TRPM1: variants seen among roughly 807,000 people sequenced by gnomAD.
TRPM1 encodes TRPM1-203 APA Isoform, Intron 10.
TRPM1 carries 113 observed loss-of-function variants against 149.4 expected under a neutral mutation model. That is an observed-to-expected ratio of 0.76 (90% CI 0.65 to 0.88). The LOEUF (loss-of-function observed/expected upper bound fraction) is 0.88. Among genes scored for constraint, TRPM1 ranks in the 40% least tolerant of loss-of-function variants. The probability of loss-of-function intolerance (pLI) is 0.00; values close to 1 mark genes in which losing one functional copy is unlikely to be tolerated. For missense variants in TRPM1, 1,976 were observed against 2,038.7 expected (o/e 0.97, Z 0.59); for synonymous variants, 741 against 759.5 (o/e 0.98, Z 0.40).
chr15:31,027,020 G>C lies in TRPM1; in HGVS notation c.3391C>G (p.Pro1131Ala). ...MTFHDRPVLP[P>A]PMIILSHIYI... Reference sequence around the variant, plus strand: ...ATGTGGCTTAAAATGATCATCGGTGGGGGCAGGACTGGCCTGTCATGAAAT... The same window carrying C: ...ATGTGGCTTAAAATGATCATCGGTGCGGGCAGGACTGGCCTGTCATGAAAT... The change falls in exon 26 of 28, where the codon CCA becomes GCA. Residue 1131 changes from proline (P) to alanine (A), a missense_variant. Pro to Ala is a conservative substitution (Grantham distance 27). This residue lies in a region of TRPM1 where 72 missense variants were observed against 112.7 expected (regional missense o/e 0.64). Coordinates refer to ENST00000256552, the MANE Select transcript of TRPM1 (RefSeq NM_001252024.2). 6.2e-7 allele frequency: 1 copy of C among 1,614,152 alleles called. No homozygotes were observed. The highest frequency in any genetic ancestry group is 8.5e-7 in the Non-Finnish European group (1 of 1,180,040).
intron 1 of TRPM1, among the ~76,000 whole-genome samples, chr15:31,100,141 G>T (rs1409258192): frequency 1.3e-5 from 2 of 149,616 alleles, no homozygotes; most frequent in Non-Finnish European, 3.0e-5. Context: ...GTGCAGTGGC[G>T]CAGTCTCGGC....
chr15:31,041,938 G>A lies in TRPM1; in HGVS notation c.2087+13C>T, dbSNP rs375081742. ...CATCTCTCCTGGCCTTTAAATCCCC[G>A]CTAGACACTAACTTGGAATTGTTAT... On this transcript the variant is annotated intron_variant, in intron 17 of 27. Coordinates refer to ENST00000256552, the MANE Select transcript of TRPM1 (RefSeq NM_001252024.2). 36 of 1,613,822 alleles carry A rather than the reference G, an allele frequency of 2.2e-5. No homozygotes were observed. Among genetic ancestry groups the A allele is most frequent in the African/African-American group, 4.0e-5 (3 of 74,874 alleles).
intron 3 of TRPM1, 113 bp downstream of exon 3, chr15:31,076,792 G>T: frequency 1.2e-6 from 1 of 836,982 alleles, no homozygotes; most frequent in Non-Finnish European, 2.1e-6. Context: ...ACTCCCATGG[G>T]GAATGGATTC....
At chr15:31,020,761 C>T (rs117949415) in intron 27 of TRPM1, among the ~76,000 whole-genome samples, 1,652 of 152,132 alleles carry the variant, frequency 0.011, 23 homozygotes, top group Non-Finnish European at 0.014. Context: ...TGGAGGAGGA[C>T]GGCTCATTTG....
At chr15:31,030,956 G>T (rs1485029979) in intron 23 of TRPM1, 27 bp downstream of exon 23, 4 of 1,613,504 alleles carry the variant, frequency 2.5e-6, no homozygotes, top group East Asian at 2.2e-5. Context: ...GCAGGGAAGA[G>T]AATCTTACTA....
At chr15:31,047,751 T>C (rs931043141) in intron 14 of TRPM1, 138 bp downstream of exon 14, 7 of 788,840 alleles carry the variant, frequency 8.9e-6, no homozygotes, top group South Asian at 2.8e-5. Flanking sequence ...TAGTTTTAAA[T>C]AGACTCTTTA....
At chr15:31,028,505 C>CT in intron 24 of TRPM1, 29 bp from the exon 25 acceptor site, 1 of 1,611,986 alleles carries the variant, frequency 6.2e-7, no homozygotes, top group Non-Finnish European at 8.5e-7. Context: ...TTTGTCTTTG[C>CT]TTTTTACATA....
intron 1 of TRPM1, among the ~76,000 whole-genome samples, chr15:31,088,730 C>T (rs1249625952): frequency 2.0e-5 from 3 of 150,688 alleles, no homozygotes; most frequent in Non-Finnish European, 1.5e-5. Flanking sequence ...ACTGAAGCGG[C>T]GGTATTCGTC....
At chr15:31,148,825 G>T (rs925505062) in intron 1 of TRPM1, among the ~76,000 whole-genome samples, 1 of 152,208 alleles carries the variant, frequency 6.6e-6, no homozygotes, top group African/African-American at 2.4e-5. Context: ...CCCCAGGGTA[G>T]CCTCAGTTCT....
In TRPM1 at chr15:31,063,248, C is replaced by T. The variant is rs373820045; in HGVS notation, c.835G>A (p.Gly279Ser). 5.6e-6 allele frequency: 9 copies of T among 1,614,164 alleles called. No homozygotes were observed. The East Asian group carries it at 8.9e-5, about 16-fold the overall frequency. Residue 279 changes from glycine (G) to serine (S), a missense_variant, in exon 8 of 28, where the codon GGC (glycine) becomes AGC (serine). Physicochemically the swap from Gly to Ser is moderately conservative, Grantham distance 56 (BLOSUM62 0). Around this residue, in one of 3 missense-constraint regions of TRPM1, gnomAD observed 1,332 missense variants for 1,347.1 expected, o/e 0.99. Coordinates refer to ENST00000256552, the MANE Select transcript of TRPM1 (RefSeq NM_001252024.2). The part of the protein sequence containing the change: ...VPLVGLVVEG[G>S]PNVVSIVLEY... The stretch of plus-strand genomic sequence containing the variant: ...AAGACGATGGACACCACGTTAGGGC[C>T]CCCCTCCACCACGAGACCCACGAGG...
chr15:31,138,853 G>A (rs1460456455), intron 1 of TRPM1, among the ~76,000 whole-genome samples: 1 of 151,874 alleles, frequency 6.6e-6, no homozygotes, highest in African/African-American at 2.4e-5. Context: ...ATTTTTAAGG[G>A]CGCTTCCCTT....
chr15:31,122,258 A>G (rs2035890676), intron 1 of TRPM1, among the ~76,000 whole-genome samples: 1 of 152,222 alleles, frequency 6.6e-6, no homozygotes, highest in Non-Finnish European at 1.5e-5. Context: ...AAGCTTTCCC[A>G]CTAAAATAAG....
Position 31,032,934 on chromosome 15 carries a change from T to A in TRPM1, c.2707A>T (p.Met903Leu), listed in dbSNP as rs1452352925. 1 of 1,614,216 alleles carries A rather than the reference T, an allele frequency of 6.2e-7. No homozygotes were observed. Among genetic ancestry groups the A allele is most frequent in the Non-Finnish European group, 8.5e-7 (1 of 1,180,042 alleles). ...TGGCTGAGTTTGCCTGGTTCTGACATGAGGATCTGAAAACAAACCCCAAAG... is the reference window on the plus strand; with the variant it reads ...TGGCTGAGTTTGCCTGGTTCTGACAAGAGGATCTGAAAACAAACCCCAAAG... ...LALEKIREIL[M>L]SEPGKLSQKI... Residue 903 changes from methionine to leucine, a missense_variant, in exon 22 of 28, where the codon ATG becomes TTG. By Grantham distance (15) the Met-to-Leu change is conservative. Transcript: ENST00000256552.
intron 3 of TRPM1, among the ~76,000 whole-genome samples, chr15:31,070,918 G>T (rs147194913): frequency 1.3e-5 from 2 of 152,142 alleles, no homozygotes; most frequent in African/African-American, 2.4e-5. Context: ...ATGCTAAAAG[G>T]CTATTTCAAA....
intron 1 of TRPM1, among the ~76,000 whole-genome samples, chr15:31,139,364 G>T (rs953147328): frequency 6.6e-6 from 1 of 152,156 alleles, no homozygotes; most frequent in African/African-American, 2.4e-5. Flanking sequence ...TAGGCCAATA[G>T]AACAGGTAAT....
chr15:31,158,483 C>T (rs894083914), intron 1 of TRPM1, among the ~76,000 whole-genome samples: 1 of 151,798 alleles, frequency 6.6e-6, no homozygotes, highest in Admixed American at 6.6e-5. Flanking sequence ...AAAAATTATC[C>T]GGGTGTGGTG....
At chr15:31,102,077 G>A (rs147017002), upstream of TRPM1, among the ~76,000 whole-genome samples, 333 of 152,390 alleles carry the variant, frequency 2.2e-3, 1 homozygote, top group South Asian at 0.016. Flanking sequence ...CAGCTGGGCA[G>A]TGTTCGTGCC....
intron 1 of TRPM1, among the ~76,000 whole-genome samples, chr15:31,140,558 G>A (rs1282654851): frequency 2.6e-5 from 4 of 152,184 alleles, no homozygotes; most frequent in African/African-American, 9.7e-5. Context: ...TCACGAGTTG[G>A]TTGTTAGAAA....
intron 1 of TRPM1, among the ~76,000 whole-genome samples, chr15:31,090,059 A>C (rs1452384454): frequency 6.6e-6 from 1 of 152,230 alleles, no homozygotes; most frequent in Non-Finnish European, 1.5e-5. Context: ...GAAATATTGA[A>C]ACAAAAAAGT....
Sources: allele counts gnomAD v4.1 joint callset (sites outside exome capture counted in the v4.1 genomes callset), GRCh38; gene constraint gnomAD v4.1.1; regional missense constraint gnomAD v4.1.1; transcripts MANE v1.5; gene names NCBI Gene and HGNC (gene_info 2026-07-23, HGNC 2026-07-21).